Variants in CCR6 observed in about 807,000 individuals in gnomAD.
The protein encoded by CCR6 is C-C motif chemokine receptor 6, also known as C-C chemokine receptor type 6.
A neutral mutation model predicts 3.0 loss-of-function variants in CCR6; 2 were observed. The observed-to-expected ratio is 0.66, with a 90% CI of 0.27 to 2.07. The LOEUF is 2.07. Ranked by LOEUF, CCR6 falls within the 30% of genes most tolerant of loss-of-function variation. The pLI, the probability that CCR6 is intolerant of heterozygous loss-of-function variation, is 0.14. For missense variants in CCR6, 322 were observed against 462.8 expected, an observed-to-expected ratio of 0.70 and a Z score of 2.79; for synonymous variants, 193 against 184.3, an observed-to-expected ratio of 1.05 and a Z score of -0.38.
intron 1 of CCR6, among the ~76,000 whole-genome samples, chr6:167,124,794 T>TGTGC (rs1554281768): frequency 3.1e-5 from 3 of 97,926 alleles, no homozygotes; most frequent in African/African-American, 4.4e-5. Flanking sequence ...TTACAGCATA[T>TGTGC]GCGCGCACAC....
rs1195489197 is a variant in CCR6, at chr6:167,136,715, C to A, written c.485C>A (p.Pro162Gln). The A allele has an allele frequency of 6.2e-7, 1 of 1,613,942 alleles. No individual in the cohort carries two copies. Among genetic ancestry groups the A allele is most frequent in the Non-Finnish European group, 8.5e-7 (1 of 1,180,028 alleles). The change falls in exon 3 of 3, where the codon CCG (proline) becomes CAG (glutamine). Residue 162 changes from proline (P) to glutamine (Q), a missense_variant. By Grantham distance (76) the Pro-to-Gln change is moderately conservative. Coordinates refer to ENST00000341935, the MANE Select transcript of CCR6 (RefSeq NM_031409.4). The surrounding 1 kb of genome is among the most constrained non-coding windows in gnomAD (Gnocchi z 4.6). Reference sequence around the variant, plus strand: ...TTCCGGCTCCGATCCAGAACACTACCGCGCAGCAAAATCATCTGCCTTGTT... The same window carrying A: ...TTCCGGCTCCGATCCAGAACACTACAGCGCAGCAAAATCATCTGCCTTGTT... ...KSFRLRSRTL[P>Q]RSKIICLVVW...
At chr6:167,121,740 G>A (rs1353528762), upstream of CCR6, among the ~76,000 whole-genome samples, 3 of 152,218 alleles carry the variant, frequency 2.0e-5, no homozygotes, top group Non-Finnish European at 2.9e-5. Flanking sequence ...GAAGGAAGTT[G>A]TGAGCTCTGT....
At chr6:167,134,388 A>G (rs748577212) in intron 1 of CCR6, among the ~76,000 whole-genome samples, 2 of 152,226 alleles carry the variant, frequency 1.3e-5, no homozygotes, top group Non-Finnish European at 2.9e-5. Context: ...GGATTACAAA[A>G]GTGCAGAGGT....
chr6:167,126,003 A>G (rs765563713), intron 1 of CCR6, among the ~76,000 whole-genome samples: 1 of 152,232 alleles, frequency 6.6e-6, no homozygotes, highest in Non-Finnish European at 1.5e-5. Context: ...CCATGTGCAT[A>G]TATTTAATCT....
chr6:167,114,765 A>G (rs1323360017), intron 1 of CCR6, among the ~76,000 whole-genome samples: 1 of 152,066 alleles, frequency 6.6e-6, no homozygotes, highest in Admixed American at 6.6e-5. Flanking sequence ...GGAAATTAGC[A>G]CTCTGAATCT....
chr6:167,125,174 A>G (rs893305657), intron 1 of CCR6, among the ~76,000 whole-genome samples: 6 of 152,226 alleles, frequency 3.9e-5, no homozygotes, highest in African/African-American at 1.2e-4. Flanking sequence ...CAGGGCCACT[A>G]CTATTTATGA....
intron 1 of CCR6, among the ~76,000 whole-genome samples, chr6:167,133,437 T>G (rs1307954994): frequency 6.6e-6 from 1 of 152,226 alleles, no homozygotes; most frequent in Non-Finnish European, 1.5e-5. Context: ...ATGTCTGGCC[T>G]CTGTTCTGTT....
At chr6:167,130,776 T>C (rs1251775492) in intron 1 of CCR6, among the ~76,000 whole-genome samples, 1 of 151,908 alleles carries the variant, frequency 6.6e-6, no homozygotes, top group African/African-American at 2.4e-5. Flanking sequence ...TTTTGGTTCA[T>C]TGACTTATTC....
intron 1 of CCR6, among the ~76,000 whole-genome samples, chr6:167,130,791 A>G (rs1781740891): frequency 1.3e-5 from 2 of 151,908 alleles, no homozygotes; most frequent in African/African-American, 4.9e-5. Flanking sequence ...TTATTCTGAC[A>G]TGAGAATAAA....
At chr6:167,119,088 C>T (rs763378904), upstream of CCR6, 63 of 152,560 alleles carry the variant, frequency 4.1e-4, no homozygotes, top group Non-Finnish European at 8.4e-4. Context: ...GGGCTGGTGC[C>T]CCCACCTGTC....
intron 1 of CCR6, among the ~76,000 whole-genome samples, chr6:167,123,686 G>C (rs1482283518): frequency 1.3e-5 from 2 of 152,210 alleles, no homozygotes; most frequent in African/African-American, 4.8e-5. Flanking sequence ...GAGCTTGTGA[G>C]GGGGAGTTAA....
At chr6:167,118,666 GT>G (rs1439353342), upstream of CCR6, among the ~76,000 whole-genome samples, 2 of 152,114 alleles carry the variant, frequency 1.3e-5, no homozygotes, top group Non-Finnish European at 2.9e-5. Context: ...TCCCAGAAAG[GT>G]ATGAACTTTT....
In CCR6 at chr6:167,136,840, G is replaced by A. The variant is rs1441850025; in HGVS notation, c.610G>A (p.Val204Ile). Reference sequence around the variant, plus strand: ...TGTCTGTGAACCCAAGTACCAGACTGTCTCGGAGCCCATCAGGTGGAAGCT... The same window carrying A: ...TGTCTGTGAACCCAAGTACCAGACTATCTCGGAGCCCATCAGGTGGAAGCT... ...SDVCEPKYQTVSEPIRWKLLM... is the reference protein window; with the variant it reads ...SDVCEPKYQTISEPIRWKLLM... Residue 204 changes from valine (V) to isoleucine (I), a missense_variant, in exon 3 of 3, where the codon GTC (valine) becomes ATC (isoleucine). Physicochemically the swap from Val to Ile is conservative, Grantham distance 29 (BLOSUM62 3). Transcript: ENST00000341935. The surrounding 1 kb of genome is among the most constrained non-coding windows in gnomAD (Gnocchi z 4.6). 3 of 1,614,056 alleles carry A rather than the reference G, an allele frequency of 1.9e-6. No homozygotes were observed. Among genetic ancestry groups the A allele is most frequent in the Admixed American group, 1.7e-5 (1 of 60,006 alleles).
At position 167,133,932 on chromosome 6, in the gene CCR6, G is replaced by GTATA. The variant is rs6149918; in HGVS notation, c.-97-2071_-97-2068dup. On this transcript the variant is annotated intron_variant, in intron 1 of 2. Coordinates refer to ENST00000341935, the MANE Select transcript of CCR6 (RefSeq NM_031409.4). ...ATACTATTATATATGATATATGTGTGTATATATATATATATATATATATAT... is the reference window on the plus strand; with the variant it reads ...ATACTATTATATATGATATATGTGTGTATATATATATATATATATATATATATAT... Among the ~76,000 whole-genome samples, 962 of 110,160 alleles carry GTATA rather than the reference G, an allele frequency of 8.7e-3. 34 individuals are homozygous for GTATA. The highest frequency in any genetic ancestry group is 0.031 in the African/African-American group (703 of 22,736). The allele number at this position is 110,160 out of a possible 152,430, so 72.3% of individuals were successfully genotyped here. A position where few individuals can be genotyped will look rare whatever the true frequency, so the allele number is the denominator to read the frequency against.
At chr6:167,118,568 A>G (rs1255395590), upstream of CCR6, among the ~76,000 whole-genome samples, 1 of 152,116 alleles carries the variant, frequency 6.6e-6, no homozygotes, top group Non-Finnish European at 1.5e-5. Flanking sequence ...CCCGATGTAA[A>G]ATTTGGCATC....
intron 1 of CCR6, among the ~76,000 whole-genome samples, chr6:167,133,807 A>C (rs182105337): frequency 2.0e-5 from 3 of 151,328 alleles, no homozygotes; most frequent in Admixed American, 6.6e-5. Flanking sequence ...TTTTGCCAAC[A>C]ATGTTTTGTA....
chr6:167,121,884 T>C (rs112934218), upstream of CCR6, among the ~76,000 whole-genome samples: 13 of 152,270 alleles, frequency 8.5e-5, no homozygotes, highest in Middle Eastern at 3.4e-3. Context: ...GAAAAGGCCC[T>C]TCTTTTATCC....
chr6:167,121,778 G>A (rs1248230970), upstream of CCR6, among the ~76,000 whole-genome samples: 2 of 152,234 alleles, frequency 1.3e-5, no homozygotes, highest in South Asian at 2.1e-4. Flanking sequence ...GACTTAGTCA[G>A]GAGAGGCTTT....
chr6:167,130,986 T>TGGGACCCCTCCTTCTG (rs1371941354), intron 1 of CCR6, among the ~76,000 whole-genome samples: 2 of 104,756 alleles, frequency 1.9e-5, no homozygotes, highest in Admixed American at 9.9e-5. Flanking sequence ...ACCCTCCCTC[T>TGGGACCCCTCCTTCTG]GGACCCCCTC....
Sources: allele counts gnomAD v4.1 joint callset (sites outside exome capture counted in the v4.1 genomes callset), GRCh38; gene constraint gnomAD v4.1.1; non-coding constraint Gnocchi (gnomAD v3.1); transcripts MANE v1.5; gene names NCBI Gene and HGNC (gene_info 2026-07-23, HGNC 2026-07-21).